EHF: variants seen among roughly 807,000 people sequenced by gnomAD.
EHF encodes the protein ESE3 transcription factor.
Under a neutral mutation model 45.1 loss-of-function variants are expected in EHF, and 14 were observed. That is an observed-to-expected ratio of 0.31 (90% confidence interval 0.21 to 0.49). The LOEUF (loss-of-function observed/expected upper bound fraction) is 0.49, where lower values mean the gene tolerates loss of function less well. EHF is among the 20% of genes least tolerant of loss of function. The pLI, the probability that EHF is intolerant of heterozygous loss-of-function variation, is 0.99. For synonymous variants in EHF, 136 were observed against 131.8 expected (o/e 1.03, Z -0.22); for missense variants, 282 against 371.4 (o/e 0.76, Z 1.98).
chr11:34,655,726 CA>C (rs1320505091), intron 6 of EHF, among the ~76,000 whole-genome samples: 2 of 152,212 alleles, frequency 1.3e-5, no homozygotes, highest in African/African-American at 4.8e-5. Flanking sequence ...AGTAAGTGCT[CA>C]ATAAACAGTA....
chr11:34,648,060 C>T (rs533923856), intron 3 of EHF, among the ~76,000 whole-genome samples: 10 of 152,276 alleles, frequency 6.6e-5, no homozygotes, highest in African/African-American at 2.4e-4. Flanking sequence ...GGTCTCATCG[C>T]ATGCTGCTGT....
At chr11:34,648,497 A>G (rs540210407) in intron 3 of EHF, among the ~76,000 whole-genome samples, 1 of 152,338 alleles carries the variant, frequency 6.6e-6, no homozygotes, top group South Asian at 2.1e-4. Context: ...TTATCCAGAC[A>G]TATCTCACAG....
At position 34,658,739 on chromosome 11, in the gene EHF, T is replaced by C; in HGVS notation, c.803+11T>C. ...CAGCCGAGCTATGAGGTGAGGAGTT[T>C]CATGTCTCTGAAAACAAAAAGGCTG... On this transcript the variant is annotated intron_variant, in intron 8 of 8. Coordinates refer to ENST00000257831, the MANE Select transcript of EHF (RefSeq NM_012153.6). 6.2e-7 allele frequency: 1 copy of C among 1,610,232 alleles called. No homozygotes were observed. Among genetic ancestry groups the C allele is most frequent in the Non-Finnish European group, 8.5e-7 (1 of 1,178,368 alleles).
intron 1 of EHF, chr11:34,642,034 C>G (rs1854050835): frequency 6.6e-6 from 1 of 152,076 alleles, no homozygotes; most frequent in Non-Finnish European, 1.5e-5. Flanking sequence ...TCAGAGAAAC[C>G]AACTGATTCC....
rs773911931 is a variant in EHF at position 34,646,619 on chromosome 11, T to TC, written c.279dup (p.Thr94HisfsTer26). Reference sequence around the variant, plus strand: ...CTCTGCAGCATGAGTTTGCAGGAGTTCACCCGGGCGGCAGGGACGGCGGGG... The same window carrying TC: ...CTCTGCAGCATGAGTTTGCAGGAGTTCCACCCGGGCGGCAGGGACGGCGGGG... On this transcript the variant is annotated frameshift_variant, in exon 3 of 9. Transcript: ENST00000257831. LOFTEE classifies it high-confidence loss of function. 6.2e-7 allele frequency: 1 copy of TC among 1,613,840 alleles called. No homozygotes were observed. The highest frequency in any genetic ancestry group is 8.5e-7 in the Non-Finnish European group (1 of 1,179,930).
chr11:34,630,603 T>C (rs1315227852), intron 1 of EHF, among the ~76,000 whole-genome samples: 1 of 152,058 alleles, frequency 6.6e-6, no homozygotes, highest in Non-Finnish European at 1.5e-5. Flanking sequence ...TTGTCCTAGT[T>C]CATCCTGACC....
At chr11:34,630,804 A>G (rs886571130) in intron 1 of EHF, among the ~76,000 whole-genome samples, 1 of 152,116 alleles carries the variant, frequency 6.6e-6, no homozygotes, top group Non-Finnish European at 1.5e-5. Context: ...AGTCAGCCAT[A>G]TCCCTCCCCT....
chr11:34,651,671 C>T, intron 5 of EHF, 61 bp downstream of exon 5: 1 of 1,607,970 alleles, frequency 6.2e-7, no homozygotes, highest in Non-Finnish European at 8.5e-7. Flanking sequence ...CTAAGAGCCA[C>T]AGTGTTCTAT....
rs1040873381 is a variant in EHF, at chr11:34,642,745, T to A, written c.97+18T>A. 1 of 1,582,698 alleles carries A rather than the reference T, an allele frequency of 6.3e-7. No homozygotes were observed. The highest frequency in any genetic ancestry group is 8.7e-7 in the Non-Finnish European group (1 of 1,151,588). ...GTGCAATGGTAAGAGGGCCTGTGGGTGTTGGTGTCACTGCTGTGCTGTGTG... is the reference window on the plus strand; with the variant it reads ...GTGCAATGGTAAGAGGGCCTGTGGGAGTTGGTGTCACTGCTGTGCTGTGTG... On this transcript the variant is annotated intron_variant, in intron 2 of 8. Transcript: ENST00000257831.
At chr11:34,632,547 C>T (rs1852989525) in intron 1 of EHF, 37 of 1,535,514 alleles carry the variant, frequency 2.4e-5, no homozygotes, top group Non-Finnish European at 3.1e-5. Flanking sequence ...ATCCTCTCTG[C>T]CAACTCCACG....
chr11:34,625,239 T>C (rs905221343), intron 1 of EHF, among the ~76,000 whole-genome samples: 4 of 152,148 alleles, frequency 2.6e-5, no homozygotes, highest in Non-Finnish European at 5.9e-5. Flanking sequence ...TAGAATCCAC[T>C]CCCATGACAA....
chr11:34,637,105 C>T (rs1853502503), intron 1 of EHF, among the ~76,000 whole-genome samples: 1 of 151,592 alleles, frequency 6.6e-6, no homozygotes, highest in African/African-American at 2.4e-5. Flanking sequence ...TGAATGTGTC[C>T]TCTCAACTCA....
intron 6 of EHF, among the ~76,000 whole-genome samples, chr11:34,654,211 C>T (rs529454606): frequency 6.6e-6 from 1 of 152,316 alleles, no homozygotes; most frequent in East Asian, 1.9e-4. Context: ...TGTTGCTGCC[C>T]CTGCCTGGAC....
At chr11:34,647,866 A>C (rs1590508658) in intron 3 of EHF, among the ~76,000 whole-genome samples, 1 of 152,194 alleles carries the variant, frequency 6.6e-6, no homozygotes, top group Admixed American at 6.5e-5. Context: ...AGGCTCTATA[A>C]ATAACCCTCA....
At chr11:34,632,652 G>T (rs1295747749) in intron 1 of EHF, 1 of 1,535,598 alleles carries the variant, frequency 6.5e-7, no homozygotes, top group Admixed American at 2.0e-5. Flanking sequence ...TTCTTTTCAA[G>T]GTTGGTCATT....
At chr11:34,649,229 C>G (rs897013323) in intron 4 of EHF, 148 bp downstream of exon 4, 7 of 735,704 alleles carry the variant, frequency 9.5e-6, no homozygotes, top group Non-Finnish European at 9.2e-6. Flanking sequence ...GGGCCACCCC[C>G]ACCATGAATC....
chr11:34,662,705 G>C lies in EHF; in HGVS notation c.*3774G>C, dbSNP rs903480462. Among the ~76,000 whole-genome samples, 7 of 152,116 alleles carry C rather than the reference G, an allele frequency of 4.6e-5. No individual in the cohort carries two copies. The highest frequency in any genetic ancestry group is 1.7e-4 in the African/African-American group (7 of 41,432). ...GTATAGAAAAAGGTAAAACAGTTAA[G>C]AAGGAAGGCAATTATATTATTCTTC... On this transcript the variant is annotated 3_prime_UTR_variant, in exon 9 of 9. Transcript: ENST00000257831.
chr11:34,637,106 T>C (rs1853502834), intron 1 of EHF, among the ~76,000 whole-genome samples: 2 of 150,756 alleles, frequency 1.3e-5, no homozygotes, highest in Admixed American at 6.6e-5. Flanking sequence ...GAATGTGTCC[T>C]CTCAACTCAG....
At chr11:34,637,954 T>C (rs1214276847) in intron 1 of EHF, among the ~76,000 whole-genome samples, 2 of 151,006 alleles carry the variant, frequency 1.3e-5, no homozygotes, top group Admixed American at 6.7e-5. Context: ...CAGGCTGGAG[T>C]ACAGTGGCTC....
Sources: gnomAD v4.1 joint callset for allele counts (sites outside exome capture counted in the v4.1 genomes callset) on GRCh38, gnomAD v4.1.1 for gene constraint, MANE v1.5 for transcripts, NCBI Gene and HGNC (gene_info 2026-07-23, HGNC 2026-07-21) for gene names.